Variants in CAMK2D observed in about 807,000 individuals in gnomAD.
CAMK2D encodes the protein calcium/calmodulin-dependent protein kinase type II subunit delta.
In CAMK2D, 37 loss-of-function variants were observed where a neutral mutation model predicts 84.0. The observed-to-expected ratio is 0.44, with a 90% confidence interval of 0.34 to 0.58. The LOEUF (loss-of-function observed/expected upper bound fraction) is 0.58, where lower values mean the gene tolerates loss of function less well. Among genes scored for constraint, CAMK2D ranks in the 20% least tolerant of loss-of-function variants. CAMK2D has a pLI of 0.02. For missense variants in CAMK2D, 448 were observed against 652.5 expected, an observed-to-expected ratio of 0.69 and a Z score of 3.41; for synonymous variants, 202 against 212.5, an observed-to-expected ratio of 0.95 and a Z score of 0.43.
intron 2 of CAMK2D, among the ~76,000 whole-genome samples, chr4:113,748,912 G>C (rs2099610823): frequency 6.6e-6 from 1 of 151,714 alleles, no homozygotes; most frequent in South Asian, 2.1e-4. Context: ...AGGTATGTCT[G>C]AAGTTTGTAA....
chr4:113,508,704 T>C (rs188304099), intron 13 of CAMK2D, among the ~76,000 whole-genome samples: 1 of 152,318 alleles, frequency 6.6e-6, no homozygotes, highest in East Asian at 1.9e-4. Flanking sequence ...CTCCAGAAAT[T>C]TCCAAGTTGC....
intron 2 of CAMK2D, among the ~76,000 whole-genome samples, chr4:113,675,191 A>G (rs2099313358): frequency 1.3e-5 from 2 of 152,188 alleles, no homozygotes; most frequent in South Asian, 4.1e-4. Flanking sequence ...AAAACATGAT[A>G]GATTCTCACT....
At chr4:113,669,263 A>G (rs995716789) in intron 2 of CAMK2D, among the ~76,000 whole-genome samples, 5 of 152,150 alleles carry the variant, frequency 3.3e-5, no homozygotes, top group Admixed American at 1.3e-4. Flanking sequence ...TTTCATATAA[A>G]TGTTTATTTA....
intron 3 of CAMK2D, among the ~76,000 whole-genome samples, chr4:113,613,894 G>T (rs188299805): frequency 6.6e-6 from 1 of 151,940 alleles, no homozygotes; most frequent in Non-Finnish European, 1.5e-5. Flanking sequence ...GAGAGAGAGC[G>T]AGCGAGAGAG....
chr4:113,615,079 G>A (rs546077792), intron 3 of CAMK2D, among the ~76,000 whole-genome samples: 223 of 152,216 alleles, frequency 1.5e-3, no homozygotes, highest in African/African-American at 5.1e-3. Flanking sequence ...AAAGATTGAG[G>A]TAGTTGGATT....
chr4:113,473,367 G>A (rs546593970), intron 16 of CAMK2D, among the ~76,000 whole-genome samples: 6 of 152,158 alleles, frequency 3.9e-5, no homozygotes, highest in South Asian at 2.1e-4. Flanking sequence ...TGCAATTAGC[G>A]GCTTGTTTCT....
intron 16 of CAMK2D, among the ~76,000 whole-genome samples, chr4:113,469,298 A>G (rs1175663721): frequency 3.3e-5 from 5 of 152,206 alleles, no homozygotes; most frequent in Non-Finnish European, 7.3e-5. Context: ...ACAGATAAAT[A>G]AAGGGATTAT....
At chr4:113,594,021 T>A (rs987707816) in intron 4 of CAMK2D, among the ~76,000 whole-genome samples, 4 of 152,196 alleles carry the variant, frequency 2.6e-5, no homozygotes, top group African/African-American at 9.7e-5. Flanking sequence ...TTCTTCAGGC[T>A]GCACAGGAAG....
At chr4:113,609,286 T>C (rs957568041) in intron 3 of CAMK2D, 80 bp from the exon 4 acceptor site, 1 of 771,532 alleles carries the variant, frequency 1.3e-6, no homozygotes, top group Non-Finnish European at 2.4e-6. Flanking sequence ...CATGGACATA[T>C]GTCTCCTAGC....
At chr4:113,521,009 A>G (rs774616982) in intron 8 of CAMK2D, among the ~76,000 whole-genome samples, 12 of 152,226 alleles carry the variant, frequency 7.9e-5, no homozygotes, top group Non-Finnish European at 1.8e-4. Flanking sequence ...AGCCTGGGCA[A>G]CAGAGTGAGA....
chr4:113,509,616 TA>T, intron 13 of CAMK2D, 21 bp downstream of exon 13: 1 of 1,512,808 alleles, frequency 6.6e-7, no homozygotes, highest in Non-Finnish European at 9.2e-7. Context: ...AGAAATGGAT[TA>T]GGGGCATCTG....
chr4:113,754,022 C>A (rs1337306918), intron 2 of CAMK2D: 2 of 924,378 alleles, frequency 2.2e-6, no homozygotes, highest in South Asian at 5.0e-5. Flanking sequence ...CCACTGAAAT[C>A]ATTTAATATT....
intron 2 of CAMK2D, among the ~76,000 whole-genome samples, chr4:113,751,915 T>C (rs1281279736): frequency 2.0e-5 from 3 of 152,168 alleles, no homozygotes; most frequent in African/African-American, 2.4e-5. Flanking sequence ...AGAAGTAATG[T>C]ATTTTATTCC....
chr4:113,558,709 TA>T (rs1291068802), intron 4 of CAMK2D, among the ~76,000 whole-genome samples: 1 of 152,140 alleles, frequency 6.6e-6, no homozygotes, highest in Non-Finnish European at 1.5e-5. Context: ...TAATTTCACT[TA>T]TAAAATACTG....
At chr4:113,488,527 GAATTCTTAAAGTT>G (rs2097788511) in intron 16 of CAMK2D, among the ~76,000 whole-genome samples, 1 of 152,106 alleles carries the variant, frequency 6.6e-6, no homozygotes, top group African/African-American at 2.4e-5. Context: ...TTTAAACTCT[GAATTCTTAAAGTT>G]AATTCTTAAA....
chr4:113,455,938 G>A (rs911460007), intron 19 of CAMK2D, 117 bp from the exon 20 acceptor site: 3 of 602,826 alleles, frequency 5.0e-6, no homozygotes, highest in Middle Eastern at 3.2e-4. Flanking sequence ...GGTACTGTAT[G>A]AATGTAACCC....
chr4:113,492,761 T>C (rs2154140667), intron 16 of CAMK2D, among the ~76,000 whole-genome samples: 1 of 146,598 alleles, frequency 6.8e-6, no homozygotes, highest in Middle Eastern at 3.4e-3. Flanking sequence ...CTCCCATTAT[T>C]AATGTGTGGG....
chr4:113,729,050 C>T (rs779670659), intron 2 of CAMK2D, among the ~76,000 whole-genome samples: 1 of 150,564 alleles, frequency 6.6e-6, no homozygotes, highest in Admixed American at 6.6e-5. Flanking sequence ...TGTAAAATTG[C>T]TTTTAAATGG....
chr4:113,535,969 T>C (rs2098486860), intron 7 of CAMK2D, among the ~76,000 whole-genome samples: 2 of 152,228 alleles, frequency 1.3e-5, no homozygotes, highest in Non-Finnish European at 2.9e-5. Context: ...ATCTCTGTGA[T>C]AGCCCCACTA....
Sources: allele counts gnomAD v4.1 joint callset (sites outside exome capture counted in the v4.1 genomes callset), GRCh38; gene constraint gnomAD v4.1.1; transcripts MANE v1.5; gene names NCBI Gene and HGNC (gene_info 2026-07-23, HGNC 2026-07-21).